Variants in GPC6 observed in about 807,000 individuals in gnomAD.
The protein encoded by GPC6 is glypican 6.
Under a neutral mutation model 55.2 loss-of-function variants are expected in GPC6, and 14 were observed. The observed-to-expected ratio is 0.25, with a 90% confidence interval of 0.17 to 0.40. The LOEUF is 0.40. Ranked by LOEUF, GPC6 falls within the 10% of genes least tolerant of loss-of-function variation. The pLI, the probability that GPC6 is intolerant of heterozygous loss-of-function variation, is 1.00. For synonymous variants in GPC6, 278 were observed against 259.6 expected (o/e 1.07, Z -0.68); for missense variants, 641 against 708.5 (o/e 0.90, Z 1.08).
At chr13:93,936,461 A>T (rs1453489785) in intron 3 of GPC6, among the ~76,000 whole-genome samples, 2 of 152,154 alleles carry the variant, frequency 1.3e-5, no homozygotes, top group Non-Finnish European at 2.9e-5. Flanking sequence ...ATGTGTATAT[A>T]TTACTTTATT....
rs1413586800 is a variant in GPC6 at position 93,594,447 on chromosome 13, A to T, written c.319+49026A>T. Among the ~76,000 whole-genome samples, 13 of 152,214 alleles carry T rather than the reference A, an allele frequency of 8.5e-5. No homozygotes were observed. The East Asian group carries it at 2.5e-3, about 29-fold the overall frequency. On this transcript the variant is annotated intron_variant, in intron 2 of 8. Transcript: ENST00000377047. ...TACTTTTTGATGTATATCATATAAT[A>T]GTATAACTCATTTTTATATTTAACA...
At chr13:93,768,155 C>T (rs1336824641) in intron 2 of GPC6, among the ~76,000 whole-genome samples, 1 of 152,184 alleles carries the variant, frequency 6.6e-6, no homozygotes, top group African/African-American at 2.4e-5. Flanking sequence ...TTACTGGAGA[C>T]AGATGAACTC....
intron 3 of GPC6, among the ~76,000 whole-genome samples, chr13:93,863,929 AG>A (rs1312551126): frequency 6.6e-6 from 1 of 151,760 alleles, no homozygotes; most frequent in Non-Finnish European, 1.5e-5. Context: ...GCTAAATAAA[AG>A]ATGAAATCAG....
chr13:93,313,374 A>C (rs1014339157), intron 1 of GPC6, among the ~76,000 whole-genome samples: 1 of 152,092 alleles, frequency 6.6e-6, no homozygotes, highest in Admixed American at 6.6e-5. Context: ...TTTTCTTTTG[A>C]AGTAAGGTGG....
At chr13:93,273,396 A>G (rs1054468679) in intron 1 of GPC6, among the ~76,000 whole-genome samples, 1 of 152,090 alleles carries the variant, frequency 6.6e-6, no homozygotes, top group African/African-American at 2.4e-5. Flanking sequence ...CGGTGGCTCA[A>G]GCCTGTAATC....
intron 2 of GPC6, among the ~76,000 whole-genome samples, chr13:93,705,498 G>A (rs973676946): frequency 2.0e-5 from 3 of 151,798 alleles, no homozygotes; most frequent in Non-Finnish European, 2.9e-5. Context: ...GAGAAAATTC[G>A]TCTTCAGCAC....
At chr13:93,528,258 T>A (rs1456633445) in intron 1 of GPC6, among the ~76,000 whole-genome samples, 1 of 152,188 alleles carries the variant, frequency 6.6e-6, no homozygotes, top group African/African-American at 2.4e-5. Flanking sequence ...TTATTGTATA[T>A]CACCCCAGAC....
intron 6 of GPC6, among the ~76,000 whole-genome samples, chr13:94,380,214 A>C (rs1321691234): frequency 6.6e-6 from 1 of 152,188 alleles, no homozygotes; most frequent in Non-Finnish European, 1.5e-5. Context: ...TTATTATGGG[A>C]CAGAATAAAC....
intron 4 of GPC6, among the ~76,000 whole-genome samples, chr13:94,040,785 G>A (rs1249928367): frequency 6.6e-6 from 1 of 151,740 alleles, no homozygotes; most frequent in Non-Finnish European, 1.5e-5. Context: ...TGGGTTTTGA[G>A]ATCAAAATTT....
chr13:93,463,745 C>CTT (rs35894535), intron 1 of GPC6, among the ~76,000 whole-genome samples: 54 of 148,564 alleles, frequency 3.6e-4, no homozygotes, highest in Middle Eastern at 3.5e-3. Flanking sequence ...AATGGCTCCA[C>CTT]TTTTTTTTTT....
intron 2 of GPC6, among the ~76,000 whole-genome samples, chr13:93,776,980 G>C (rs758244909): frequency 1.3e-5 from 2 of 152,138 alleles, no homozygotes; most frequent in Non-Finnish European, 2.9e-5. Context: ...ACCCCTGTCA[G>C]ATTTCCTTAT....
chr13:93,583,601 G>A (rs1877050790), intron 2 of GPC6, among the ~76,000 whole-genome samples: 1 of 152,102 alleles, frequency 6.6e-6, no homozygotes, highest in Non-Finnish European at 1.5e-5. Flanking sequence ...ATTTTTAGTA[G>A]AGATGGAGTT....
chr13:94,269,699 G>A (rs1439490764), intron 4 of GPC6, among the ~76,000 whole-genome samples: 1 of 152,132 alleles, frequency 6.6e-6, no homozygotes, highest in Non-Finnish European at 1.5e-5. Context: ...ACCTGAGCCT[G>A]AGTCTGGGAT....
chr13:93,818,831 TG>T (rs922468405), intron 2 of GPC6: 1 of 152,132 alleles, frequency 6.6e-6, no homozygotes, highest in African/African-American at 2.4e-5. Context: ...AGAATAGAAT[TG>T]GGAGTTTTCA....
chr13:94,291,356 A>G (rs1874967050), intron 5 of GPC6, among the ~76,000 whole-genome samples: 1 of 152,174 alleles, frequency 6.6e-6, no homozygotes, highest in African/African-American at 2.4e-5. Context: ...GAATTAAGGA[A>G]GAGGAGAGAA....
intron 4 of GPC6, among the ~76,000 whole-genome samples, chr13:94,195,445 C>T (rs551345295): frequency 1.3e-5 from 2 of 152,292 alleles, no homozygotes; most frequent in East Asian, 3.9e-4. Context: ...ATAATAAAAT[C>T]GATTGTTTCA....
intron 3 of GPC6, among the ~76,000 whole-genome samples, chr13:93,988,039 A>T (rs1479244561): frequency 6.6e-6 from 1 of 151,344 alleles, no homozygotes; most frequent in Non-Finnish European, 1.5e-5. Context: ...ATCTGCATCT[A>T]CTCCTTCTTC....
intron 4 of GPC6, among the ~76,000 whole-genome samples, chr13:94,072,336 GC>G (rs1268798586): frequency 6.6e-6 from 1 of 151,964 alleles, no homozygotes; most frequent in Non-Finnish European, 1.5e-5. Context: ...GCATGATAAA[GC>G]CCCTTGTTTT....
chr13:94,281,037 C>A (rs1892364572), intron 4 of GPC6, among the ~76,000 whole-genome samples: 1 of 152,080 alleles, frequency 6.6e-6, no homozygotes, highest in Non-Finnish European at 1.5e-5. Context: ...GAAGGCAGCA[C>A]CATGGACAGC....
Sources: allele counts gnomAD v4.1 joint callset (sites outside exome capture counted in the v4.1 genomes callset), GRCh38; gene constraint gnomAD v4.1.1; transcripts MANE v1.5; gene names NCBI Gene and HGNC (gene_info 2026-07-23, HGNC 2026-07-21).